The following ARNT variants were observed in gnomAD, a reference collection of about 807,000 sequenced individuals.
The protein encoded by ARNT is class E basic helix-loop-helix protein 2.
Under a neutral mutation model 105.0 loss-of-function variants are expected in ARNT, and 30 were observed. The ratio of observed to expected loss-of-function variants is 0.29; its 90% confidence interval spans 0.21 to 0.39. The LOEUF is 0.39. ARNT is among the 10% of genes least tolerant of loss of function. ARNT has a pLI of 1.00. For synonymous variants in ARNT, 304 were observed against 344.0 expected, an observed-to-expected ratio of 0.88 and a Z score of 1.29; for missense variants, 748 against 978.7, an observed-to-expected ratio of 0.76 and a Z score of 3.15.
At chr1:150,876,501 GC>G in intron 1 of ARNT, 41 bp downstream of exon 1, 1 of 1,547,102 alleles carries the variant, frequency 6.5e-7, no homozygotes, top group Non-Finnish European at 8.7e-7. Context: ...AGCCCCTTCG[GC>G]CCCTCCCCTT....
chr1:150,829,790 A>G, intron 11 of ARNT, 114 bp downstream of exon 11: 2 of 1,148,862 alleles, frequency 1.7e-6, no homozygotes, highest in Non-Finnish European at 2.5e-6. Context: ...AAATTTTGAG[A>G]GTTTTATGGA....
chr1:150,858,551 C>T (rs1227750890), intron 1 of ARNT, 91 bp from the exon 2 acceptor site: 1 of 1,019,556 alleles, frequency 9.8e-7, no homozygotes, highest in Admixed American at 2.2e-5. Flanking sequence ...AAGGTTCAAG[C>T]TATAGACAAA....
chr1:150,817,854 TATG>T, intron 15 of ARNT, 63 bp downstream of exon 15: 2 of 1,207,688 alleles, frequency 1.7e-6, no homozygotes, highest in Non-Finnish European at 2.3e-6. Context: ...ACAAAAAATA[TATG>T]GGATTGCAAA....
intron 5 of ARNT, among the ~76,000 whole-genome samples, chr1:150,841,816 C>G (rs1571334174): frequency 6.6e-6 from 1 of 152,340 alleles, no homozygotes; most frequent in Admixed American, 6.5e-5. Context: ...CACTCATCTT[C>G]CTAGTATCTG....
At position 150,836,344 on chromosome 1, in the gene ARNT, C is replaced by T; in HGVS notation, c.636G>A (p.Gln212=). The T allele has an allele frequency of 6.2e-7, 1 of 1,614,118 alleles. No individual in the cohort carries two copies. The highest frequency in any genetic ancestry group is 8.5e-7 in the Non-Finnish European group (1 of 1,180,026). The stretch of plus-strand genomic sequence containing the variant: ...GTTTATCCACATCATCTGGGTGCAC[C>T]TGATCATAGAGTGTGCTGCCAAACC... ...SEWFGSTLYD[Q]VHPDDVDKLR... is the part of the protein sequence containing the mutation. Residue 212 remains glutamine (Q), a synonymous_variant, in exon 7 of 22, where the codon CAG becomes CAA. Coordinates refer to ENST00000358595, the MANE Select transcript of ARNT (RefSeq NM_001668.4).
At chr1:150,835,512 G>A (rs1660155073) in intron 7 of ARNT, among the ~76,000 whole-genome samples, 1 of 152,126 alleles carries the variant, frequency 6.6e-6, no homozygotes, top group East Asian at 1.9e-4. Context: ...TAAGCAGGCA[G>A]ATTACTGAGC....
chr1:150,868,431 C>T (rs1661136139), intron 1 of ARNT, among the ~76,000 whole-genome samples: 3 of 152,142 alleles, frequency 2.0e-5, no homozygotes, highest in South Asian at 2.1e-4. Context: ...GTGATAAAGA[C>T]CTAGCAACAG....
In ARNT at chr1:150,814,094, T is replaced by C. The variant is rs1655323819; in HGVS notation, c.2096A>G (p.Asn699Ser). Reference sequence around the variant, plus strand: ...GGACTCACCAAAGTTAGATCCACGATTGGTGAGACTAGGGTAGGCAGCAGC... The same window carrying C: ...GGACTCACCAAAGTTAGATCCACGACTGGTGAGACTAGGGTAGGCAGCAGC... ...PGAAAYPSLT[N>S]RGSNFAPETG... Residue 699 changes from asparagine to serine, a missense_variant, in exon 20 of 22, where the codon AAT (asparagine) becomes AGT (serine). Around this residue, in one of 4 missense-constraint regions of ARNT, gnomAD observed 360 missense variants for 411.9 expected, o/e 0.87. Coordinates refer to ENST00000358595, the MANE Select transcript of ARNT (RefSeq NM_001668.4). 1.2e-6 allele frequency: 2 copies of C among 1,612,966 alleles called. No homozygotes were observed. The highest frequency in any genetic ancestry group is 1.7e-6 in the Non-Finnish European group (2 of 1,179,002).
intron 5 of ARNT, chr1:150,842,094 C>T (rs1258107363): frequency 5.7e-6 from 1 of 175,462 alleles, no homozygotes; most frequent in Non-Finnish European, 1.1e-5. Context: ...AAGAGTATTT[C>T]CCTGTTAAAG....
chr1:150,812,574 A>G (rs1654954919), intron 21 of ARNT: 1 of 153,214 alleles, frequency 6.5e-6, no homozygotes, highest in African/African-American at 2.4e-5. Flanking sequence ...GTTCTATTTC[A>G]TTTACTTTTT....
intron 1 of ARNT, among the ~76,000 whole-genome samples, chr1:150,874,662 T>A (rs1667983372): frequency 6.6e-6 from 1 of 151,352 alleles, no homozygotes; most frequent in African/African-American, 2.4e-5. Context: ...CACTCCAGAC[T>A]GGGCGACAGA....
intron 1 of ARNT, among the ~76,000 whole-genome samples, chr1:150,865,766 T>A (rs1352209136): frequency 6.6e-6 from 1 of 152,220 alleles, no homozygotes; most frequent in Non-Finnish European, 1.5e-5. Context: ...TCTTCTGTGT[T>A]ATACTGCCTA....
chr1:150,847,324 C>T (rs1662411350), intron 3 of ARNT, among the ~76,000 whole-genome samples: 1 of 145,986 alleles, frequency 6.8e-6, no homozygotes. Flanking sequence ...CCAGCTACTT[C>T]GGAGGCTGAG....
Position 150,829,965 on chromosome 1 carries a change from T to A in ARNT, c.971A>T (p.Asp324Val). The A allele has an allele frequency of 6.2e-7, 1 of 1,614,228 alleles. No homozygotes were observed. ...AWPPAGVSLP[D>V]DDPEAGQGSK... The stretch of plus-strand genomic sequence containing the variant: ...TCCCTGGCCAGCCTCTGGGTCATCA[T>A]CTGGGAGGGAAACACCTTCAGAAAC... The change falls in exon 11 of 22, where the codon GAT (aspartate) becomes GTT (valine). Residue 324 changes from aspartate to valine, a missense_variant. This residue lies in a region of ARNT where 291 missense variants were observed against 444.6 expected (regional missense o/e 0.65). Coordinates refer to ENST00000358595, the MANE Select transcript of ARNT (RefSeq NM_001668.4).
At chr1:150,833,210 C>A (rs1267802299) in intron 8 of ARNT, among the ~76,000 whole-genome samples, 1 of 152,184 alleles carries the variant, frequency 6.6e-6, no homozygotes, top group Non-Finnish European at 1.5e-5. Context: ...CTAGAAGCTA[C>A]TCTAAATTAC....
rs1304533752 is a variant in ARNT at position 150,816,700 on chromosome 1, C to T, written c.1802+88G>A. ...AGCTTCACTGCTTTTTCTGAAGTAA[C>T]CAGAGAAAGCAAGGGAAGAATAAAA... On this transcript the variant is annotated intron_variant, in intron 18 of 21. Coordinates refer to ENST00000358595, the MANE Select transcript of ARNT (RefSeq NM_001668.4). The T allele has an allele frequency of 4.3e-6, 6 of 1,402,498 alleles. No homozygotes were observed. In the Admixed American group the frequency reaches 7.7e-5, roughly 18 times the overall value. The allele number at this position is 1,402,498 out of a possible 1,614,324, so 86.9% of individuals were successfully genotyped here.
chr1:150,847,076 TGA>T (rs1467604132), intron 3 of ARNT, among the ~76,000 whole-genome samples: 5 of 152,180 alleles, frequency 3.3e-5, no homozygotes, highest in African/African-American at 1.2e-4. Flanking sequence ...CCAATAAACA[TGA>T]GTGTGCAAAT....
chr1:150,832,453 T>C (rs1557884483), intron 8 of ARNT, 54 bp from the exon 9 acceptor site: 6 of 1,536,770 alleles, frequency 3.9e-6, no homozygotes, highest in East Asian at 2.2e-5. Flanking sequence ...ATCAAAGAAC[T>C]TTCCACAGTA....
chr1:150,869,442 A>G (rs1667118533), intron 1 of ARNT, among the ~76,000 whole-genome samples: 1 of 152,052 alleles, frequency 6.6e-6, no homozygotes, highest in Admixed American at 6.6e-5. Context: ...GTGCCACTGC[A>G]CCCCAGCCTG....
Sources: gnomAD v4.1 joint callset for allele counts (sites outside exome capture counted in the v4.1 genomes callset) on GRCh38, gnomAD v4.1.1 for gene constraint, gnomAD v4.1.1 regional missense constraint, MANE v1.5 for transcripts, NCBI Gene and HGNC (gene_info 2026-07-23, HGNC 2026-07-21) for gene names.